FSD1L: variants seen among roughly 807,000 people sequenced by gnomAD.
FSD1L encodes the protein fibronectin type III and SPRY domain containing 1 like.
In FSD1L, 45 loss-of-function variants were observed where a neutral mutation model predicts 71.6. The ratio of observed to expected loss-of-function variants is 0.63; its 90% CI spans 0.49 to 0.81. The LOEUF (loss-of-function observed/expected upper bound fraction) is 0.81. FSD1L is among the 30% of genes least tolerant of loss of function. FSD1L has a pLI of 0.00. For missense variants in FSD1L, 561 were observed against 618.1 expected (o/e 0.91, Z 0.98); for synonymous variants, 197 against 207.2 (o/e 0.95, Z 0.42).
At chr9:105,520,533 ACTT>A (rs1835078707) in intron 10 of FSD1L, 5 of 1,203,400 alleles carry the variant, frequency 4.2e-6, no homozygotes, top group Non-Finnish European at 6.2e-6. Context: ...AAATTTTACA[ACTT>A]CTTCCAGAAA....
At chr9:105,475,268 C>T (rs1831720514) in intron 5 of FSD1L, among the ~76,000 whole-genome samples, 1 of 152,166 alleles carries the variant, frequency 6.6e-6, no homozygotes, top group South Asian at 2.1e-4. Flanking sequence ...AAATAGTTTC[C>T]TATCCATGGG....
the FSD1L span, among the ~76,000 whole-genome samples, chr9:105,442,318 A>G: frequency 4.6e-3 from 693 of 152,224 alleles, 2 homozygotes; most frequent in African/African-American, 0.016. Flanking sequence ...ACTGAGTCAG[A>G]AAGGGAATGA....
At chr9:105,465,875 CTTT>C (rs369033551) in intron 3 of FSD1L, among the ~76,000 whole-genome samples, 2 of 144,372 alleles carry the variant, frequency 1.4e-5, no homozygotes, top group Non-Finnish European at 3.0e-5. Context: ...ACTCTCACCA[CTTT>C]TTTTTTTTTT....
chr9:105,513,740 C>T (rs1358985650), intron 10 of FSD1L: 2 of 769,200 alleles, frequency 2.6e-6, no homozygotes, highest in African/African-American at 3.5e-5. Context: ...ATTGCGGCAG[C>T]CTTCATAAGC....
At chr9:105,520,875 A>G (rs1384888120) in intron 10 of FSD1L, 1 of 1,612,248 alleles carries the variant, frequency 6.2e-7, no homozygotes, top group Non-Finnish European at 8.5e-7. Context: ...AGATCTCACA[A>G]GCTATTTTCT....
intron 10 of FSD1L, chr9:105,521,991 G>A: frequency 1.2e-6 from 2 of 1,613,116 alleles, no homozygotes; most frequent in Non-Finnish European, 1.7e-6. Flanking sequence ...AAAGACTTGG[G>A]AACACATGCT....
At chr9:105,459,342 C>G (rs1830549352) in intron 1 of FSD1L, among the ~76,000 whole-genome samples, 1 of 152,200 alleles carries the variant, frequency 6.6e-6, no homozygotes, top group African/African-American at 2.4e-5. Context: ...TTCCTTAGTG[C>G]TTTTTATCTT....
At chr9:105,527,290 G>A (rs1185942953) in intron 10 of FSD1L, among the ~76,000 whole-genome samples, 1 of 149,506 alleles carries the variant, frequency 6.7e-6, no homozygotes, top group African/African-American at 2.5e-5. Flanking sequence ...AGATCCTGGT[G>A]TTTCTATGTT....
chr9:105,501,079 A>C (rs559429950), intron 7 of FSD1L, among the ~76,000 whole-genome samples: 11 of 152,374 alleles, frequency 7.2e-5, no homozygotes, highest in Admixed American at 3.9e-4. Flanking sequence ...TTTAAAGTGC[A>C]TGCAAATCAA....
intron 6 of FSD1L, among the ~76,000 whole-genome samples, chr9:105,483,604 C>A (rs1431894752): frequency 1.3e-5 from 2 of 152,112 alleles, no homozygotes; most frequent in African/African-American, 4.8e-5. Flanking sequence ...AAGAGGATTT[C>A]TTTTAATCTT....
intron 3 of FSD1L, among the ~76,000 whole-genome samples, chr9:105,467,117 G>C (rs1215225695): frequency 6.6e-6 from 1 of 152,136 alleles, no homozygotes; most frequent in Non-Finnish European, 1.5e-5. Context: ...TGTGGGATTT[G>C]AGTTAGGTTT....
intron 13 of FSD1L, among the ~76,000 whole-genome samples, chr9:105,540,332 G>A (rs559189382): frequency 3.9e-5 from 6 of 152,042 alleles, no homozygotes; most frequent in Admixed American, 6.6e-5. Flanking sequence ...GGTTGTCTTC[G>A]TGTTTCTTAT....
intron 7 of FSD1L, among the ~76,000 whole-genome samples, chr9:105,497,377 TAGAA>T (rs1239863928): frequency 1.3e-5 from 2 of 152,206 alleles, no homozygotes; most frequent in East Asian, 1.9e-4. Context: ...GCTGGCCTCA[TAGAA>T]AGAGTTAGGA....
intron 10 of FSD1L, chr9:105,523,474 A>T: frequency 1.9e-6 from 3 of 1,612,868 alleles, no homozygotes. Context: ...ATTTTGGGAG[A>T]TGTAAATTCA....
At chr9:105,539,539 T>C (rs904352158) in intron 13 of FSD1L, among the ~76,000 whole-genome samples, 188 bp downstream of exon 13, 4 of 152,178 alleles carry the variant, frequency 2.6e-5, no homozygotes, top group Non-Finnish European at 5.9e-5. Context: ...GTATATTTTA[T>C]TGAAGTTTAT....
chr9:105,524,543 T>C, intron 10 of FSD1L: 4 of 1,614,070 alleles, frequency 2.5e-6, no homozygotes, highest in Non-Finnish European at 3.4e-6. Flanking sequence ...ATTGCATTTA[T>C]AAGGTTTTAC....
upstream of FSD1L, among the ~76,000 whole-genome samples, chr9:105,445,365 A>T (rs1271201623): frequency 1.3e-5 from 2 of 152,186 alleles, no homozygotes; most frequent in Non-Finnish European, 2.9e-5. Context: ...GCTGGGCTAC[A>T]GGGAAAGAAC....
chr9:105,482,683 C>T (rs927136615), intron 6 of FSD1L, among the ~76,000 whole-genome samples: 2 of 152,122 alleles, frequency 1.3e-5, no homozygotes, highest in Non-Finnish European at 2.9e-5. Context: ...TAAATTGATT[C>T]ATGGAAACTT....
intron 7 of FSD1L, among the ~76,000 whole-genome samples, chr9:105,495,306 G>T (rs535350653): frequency 2.6e-4 from 40 of 152,310 alleles, no homozygotes; most frequent in Middle Eastern, 3.4e-3. Context: ...CTCGGAGCCA[G>T]GTGCGGGATA....
Sources: allele counts gnomAD v4.1 joint callset (sites outside exome capture counted in the v4.1 genomes callset), GRCh38; gene constraint gnomAD v4.1.1; transcripts MANE v1.5; gene names NCBI Gene and HGNC (gene_info 2026-07-23, HGNC 2026-07-21).